SLIT2: variants seen among roughly 807,000 people sequenced by gnomAD.
SLIT2 encodes slit guidance ligand 2, also known as slit homolog 2 protein.
SLIT2 carries 41 observed loss-of-function variants against 185.7 expected under a neutral mutation model. The observed-to-expected ratio is 0.22, with a 90% CI of 0.17 to 0.29. The LOEUF is 0.29. Among genes scored for constraint, SLIT2 ranks in the 10% least tolerant of loss-of-function variants. The pLI is 1.00. For missense variants in SLIT2, 1,571 were observed against 1,909.0 expected, an observed-to-expected ratio of 0.82 and a Z score of 3.30; for synonymous variants, 693 against 680.2, an observed-to-expected ratio of 1.02 and a Z score of -0.29.
intron 4 of SLIT2, among the ~76,000 whole-genome samples, chr4:20,316,294 T>C (rs944320929): frequency 2.0e-5 from 3 of 152,102 alleles, no homozygotes; most frequent in African/African-American, 7.2e-5. Flanking sequence ...TTTTTTTACA[T>C]ACTTATCAAC....
chr4:20,547,334 G>GTGAT (rs1344957321), intron 22 of SLIT2, among the ~76,000 whole-genome samples: 1 of 152,104 alleles, frequency 6.6e-6, no homozygotes, highest in African/African-American at 2.4e-5. Flanking sequence ...GGGACAGCAT[G>GTGAT]TGATTACTTT....
At chr4:20,418,347 G>A (rs982588034) in intron 4 of SLIT2, among the ~76,000 whole-genome samples, 1 of 152,104 alleles carries the variant, frequency 6.6e-6, no homozygotes, top group Non-Finnish European at 1.5e-5. Flanking sequence ...AAAAAAACAC[G>A]TGGTTAATTA....
intron 4 of SLIT2, among the ~76,000 whole-genome samples, chr4:20,320,894 T>G (rs990478228): frequency 2.0e-5 from 3 of 152,156 alleles, no homozygotes; most frequent in Non-Finnish European, 4.4e-5. Flanking sequence ...CCAGGTGCAG[T>G]GGCCCATGCC....
chr4:20,359,640 A>T (rs771798742), intron 4 of SLIT2, among the ~76,000 whole-genome samples: 4 of 152,018 alleles, frequency 2.6e-5, no homozygotes, highest in Non-Finnish European at 5.9e-5. Context: ...AAGACTAGAG[A>T]AGAGGTGCTC....
chr4:20,552,867 T>C (rs1248351965), intron 25 of SLIT2: 1 of 152,210 alleles, frequency 6.6e-6, no homozygotes, highest in African/African-American at 2.4e-5. Context: ...TATAAGGTTA[T>C]GAGTCCAGGT....
intron 4 of SLIT2, among the ~76,000 whole-genome samples, chr4:20,341,626 G>C (rs1261043487): frequency 6.6e-6 from 1 of 152,164 alleles, no homozygotes; most frequent in Non-Finnish European, 1.5e-5. Context: ...GTATCTAGGG[G>C]AAGTATTCAG....
chr4:20,351,052 C>CA (rs771211038), intron 4 of SLIT2, among the ~76,000 whole-genome samples: 1 of 143,148 alleles, frequency 7.0e-6, no homozygotes, highest in Non-Finnish European at 1.5e-5. Context: ...TTCTTTTTTT[C>CA]TTTTTTTTTT....
At chr4:20,563,114 G>C (rs1053509151) in intron 26 of SLIT2, among the ~76,000 whole-genome samples, 3 of 151,724 alleles carry the variant, frequency 2.0e-5, no homozygotes, top group African/African-American at 7.3e-5. Flanking sequence ...GTAACTGACA[G>C]AGACAGATTG....
intron 4 of SLIT2, among the ~76,000 whole-genome samples, chr4:20,444,257 G>C (rs1470436031): frequency 6.6e-6 from 1 of 152,168 alleles, no homozygotes; most frequent in Non-Finnish European, 1.5e-5. Context: ...TGCCATTGTG[G>C]CAAATGGAAA....
chr4:20,409,176 A>G (rs992602996), intron 4 of SLIT2, among the ~76,000 whole-genome samples: 1 of 152,118 alleles, frequency 6.6e-6, no homozygotes, highest in Admixed American at 6.5e-5. Flanking sequence ...TCTAGATATT[A>G]AGCCCAGTAT....
chr4:20,278,225 T>G (rs1290746227), intron 4 of SLIT2, among the ~76,000 whole-genome samples: 1 of 150,666 alleles, frequency 6.6e-6, no homozygotes, highest in East Asian at 2.0e-4. Flanking sequence ...AATGCTTATC[T>G]GTTTTTTTTT....
At chr4:20,417,436 GTATATA>G (rs367855245) in intron 4 of SLIT2, among the ~76,000 whole-genome samples, 6 of 123,676 alleles carry the variant, frequency 4.9e-5, no homozygotes, top group South Asian at 2.4e-4. Flanking sequence ...ATGTGTGTGT[GTATATA>G]TATATATATA....
At chr4:20,415,186 C>T (rs937297754) in intron 4 of SLIT2, among the ~76,000 whole-genome samples, 2 of 152,000 alleles carry the variant, frequency 1.3e-5, no homozygotes, top group African/African-American at 2.4e-5. Context: ...CCGAGGCGGG[C>T]GGATCACGAG....
chr4:20,399,159 A>G (rs992141530), intron 4 of SLIT2, among the ~76,000 whole-genome samples: 1 of 151,734 alleles, frequency 6.6e-6, no homozygotes, highest in South Asian at 2.1e-4. Flanking sequence ...TTTATATCAA[A>G]TGTTGCACTA....
Position 20,467,614 on chromosome 4 carries a change from A to T in SLIT2, c.396-138A>T, listed in dbSNP as rs1013473444. ...ATATTTATATTAGAAACTGCATATA[A>T]TGCTATGGATTTAATTATGATCCTT... On this transcript the variant is annotated intron_variant, in intron 4 of 36. Transcript: ENST00000504154. 16 of 454,330 alleles carry T rather than the reference A, an allele frequency of 3.5e-5. No homozygotes were observed. The Admixed American group carries it at 4.5e-4, about 13-fold the overall frequency. The allele number at this position is 454,330 out of a possible 1,614,324, so 28.1% of individuals were successfully genotyped here. A position where few individuals can be genotyped will look rare whatever the true frequency, so the allele number is the denominator to read the frequency against.
intron 5 of SLIT2, among the ~76,000 whole-genome samples, chr4:20,472,470 A>ATATATAGATATC (rs1715440700): frequency 1.8e-5 from 1 of 54,574 alleles, no homozygotes; most frequent in African/African-American, 8.5e-5. Flanking sequence ...CTATATCTAT[A>ATATATAGATATC]TATAGATATA....
At chr4:20,522,135 C>A (rs1720896268) in intron 12 of SLIT2, among the ~76,000 whole-genome samples, 1 of 152,130 alleles carries the variant, frequency 6.6e-6, no homozygotes, top group Non-Finnish European at 1.5e-5. Context: ...CCAAAGGGAC[C>A]TTTTCACCTC....
intron 3 of SLIT2, among the ~76,000 whole-genome samples, chr4:20,260,008 C>G (rs1346673221): frequency 6.6e-6 from 1 of 151,806 alleles, no homozygotes; most frequent in Non-Finnish European, 1.5e-5. Flanking sequence ...TGTGGATACA[C>G]TTTTCAAATA....
In SLIT2 at chr4:20,396,981, G is replaced by T. The variant is rs1031352086; in HGVS notation, c.396-70771G>T. ...TCAATCAAAATATGGAATATTAAATGATTAATTTACGCATATATTTCCATA... is the reference window on the plus strand; with the variant it reads ...TCAATCAAAATATGGAATATTAAATTATTAATTTACGCATATATTTCCATA... On this transcript the variant is annotated intron_variant, in intron 4 of 36. Coordinates refer to ENST00000504154, the MANE Select transcript of SLIT2 (RefSeq NM_004787.4). 2.0e-5 allele frequency among the ~76,000 whole-genome samples: 3 copies of T among 150,656 alleles called. No homozygotes were observed. The Admixed American group carries it at 2.0e-4, about 10-fold the overall frequency.
Sources: gnomAD v4.1 joint callset for allele counts (sites outside exome capture counted in the v4.1 genomes callset) on GRCh38, gnomAD v4.1.1 for gene constraint, MANE v1.5 for transcripts, NCBI Gene and HGNC (gene_info 2026-07-23, HGNC 2026-07-21) for gene names.